GJC1: variants seen among roughly 807,000 people sequenced by gnomAD.
GJC1 encodes the protein gap junction protein gamma 1.
GJC1 carries 5 observed loss-of-function variants against 29.3 expected under a neutral mutation model. That is an observed-to-expected ratio of 0.17 (90% CI 0.09 to 0.36). The LOEUF (loss-of-function observed/expected upper bound fraction) is 0.36. Ranked by LOEUF, GJC1 falls within the 10% of genes least tolerant of loss-of-function variation. The pLI is 1.00. For synonymous variants in GJC1, 177 were observed against 183.3 expected (o/e 0.97, Z 0.28); for missense variants, 310 against 496.2 (o/e 0.62, Z 3.56).
At chr17:44,822,868 T>A (rs1056209215) in intron 1 of GJC1, among the ~76,000 whole-genome samples, 2 of 151,978 alleles carry the variant, frequency 1.3e-5, no homozygotes, top group Non-Finnish European at 2.9e-5. Context: ...GTGGCAGTAT[T>A]CAAAATATAT....
chr17:44,810,595 T>C (rs1211538372), intron 1 of GJC1, among the ~76,000 whole-genome samples: 1 of 152,004 alleles, frequency 6.6e-6, no homozygotes, highest in Non-Finnish European at 1.5e-5. Flanking sequence ...CGGTCTATGC[T>C]CTTGACCACA....
chr17:44,814,817 C>A (rs1051703184), intron 1 of GJC1, among the ~76,000 whole-genome samples: 1 of 152,084 alleles, frequency 6.6e-6, no homozygotes, highest in African/African-American at 2.4e-5. Context: ...GTGGCATGCG[C>A]CTGTAATCCC....
intron 1 of GJC1, among the ~76,000 whole-genome samples, chr17:44,816,016 G>A (rs914506084): frequency 1.3e-5 from 2 of 150,506 alleles, no homozygotes; most frequent in Admixed American, 1.3e-4. Flanking sequence ...GGGAGGCTGA[G>A]GCAGGAGAAT....
At chr17:44,821,668 G>C (rs2050106841) in intron 1 of GJC1, among the ~76,000 whole-genome samples, 1 of 123,204 alleles carries the variant, frequency 8.1e-6, no homozygotes, top group East Asian at 2.5e-4. Flanking sequence ...TTGCACTCCA[G>C]CCTGGGCAAC....
In GJC1 at chr17:44,803,874, TA is replaced by T. The variant is rs2049880649; in HGVS notation, c.*752del. ...GCTTTTGAAAGAACTTTAAGTTATATACATATACCATCAAAGCATATACTGG... is the reference window on the plus strand; with the variant it reads ...GCTTTTGAAAGAACTTTAAGTTATATCATATACCATCAAAGCATATACTGG... On this transcript the variant is annotated 3_prime_UTR_variant, in exon 3 of 3. Transcript: ENST00000592524. 6.6e-6 allele frequency: 1 copy of T among 152,220 alleles called. No individual in the cohort carries two copies. Among genetic ancestry groups the T allele is most frequent in the Non-Finnish European group, 1.5e-5 (1 of 68,038 alleles). 9.4% of individuals were successfully genotyped at this position (152,220 alleles called of 1,614,324 possible). A position where few individuals can be genotyped will look rare whatever the true frequency, so the allele number is the denominator to read the frequency against.
At position 44,799,003 on chromosome 17, in the gene GJC1, G is replaced by GT. The variant is rs750592968; in HGVS notation, c.*5623dup. ...TCATGCCTCAGCCTCCCAAGTAGCTGTAAGTACAGGCACGTGCCACCATAC... is the reference window on the plus strand; with the variant it reads ...TCATGCCTCAGCCTCCCAAGTAGCTGTTAAGTACAGGCACGTGCCACCATAC... On this transcript the variant is annotated 3_prime_UTR_variant, in exon 3 of 3. Transcript: ENST00000592524. 1 of 152,118 alleles carries GT rather than the reference G, an allele frequency of 6.6e-6. No homozygotes were observed. Among genetic ancestry groups the GT allele is most frequent in the Non-Finnish European group, 1.5e-5 (1 of 68,062 alleles). 9.4% of individuals were successfully genotyped at this position (152,118 alleles called of 1,614,324 possible).
chr17:44,798,049 C>T (rs543818458), downstream of GJC1, among the ~76,000 whole-genome samples: 10 of 152,260 alleles, frequency 6.6e-5, no homozygotes, highest in African/African-American at 2.4e-4. Flanking sequence ...CCAGGAAAGG[C>T]CTCCAGAACC....
chr17:44,817,624 C>T lies in GJC1; in HGVS notation c.-96-10155G>A, dbSNP rs188681116. ...ACTCAGGAGGCTGAGGCAGGAGAAT[C>T]GCTTGAACTCAGGAGGGGGAGGTTG... On this transcript the variant is annotated intron_variant, in intron 1 of 2. Transcript: ENST00000592524. Among the ~76,000 whole-genome samples, 132 of 151,814 alleles carry T rather than the reference C, an allele frequency of 8.7e-4. 1 individual carries two copies. Among genetic ancestry groups the T allele is most frequent in the Admixed American group, 2.0e-3 (30 of 15,250 alleles).
At chr17:44,831,214 T>C (rs1216089735), upstream of GJC1, among the ~76,000 whole-genome samples, 4 of 152,226 alleles carry the variant, frequency 2.6e-5, no homozygotes, top group African/African-American at 9.6e-5. Context: ...GTGGAAATCT[T>C]GAAGGCTAGG....
chr17:44,799,944 T>C lies in GJC1; in HGVS notation c.*4683A>G, dbSNP rs929394208. 3.3e-5 allele frequency: 5 copies of C among 152,084 alleles called. No individual in the cohort carries two copies. The highest frequency in any genetic ancestry group is 6.6e-5 in the Admixed American group (1 of 15,246). The allele number at this position is 152,084 out of a possible 1,614,324, so 9.4% of individuals were successfully genotyped here. A position where few individuals can be genotyped will look rare whatever the true frequency, so the allele number is the denominator to read the frequency against. On this transcript the variant is annotated 3_prime_UTR_variant, in exon 3 of 3. Transcript: ENST00000592524. ...AAAACCAAACATCAATAGAACTACA[T>C]AGGGACAACAGCAAATACAAATCTT...
chr17:44,819,321 CATA>C (rs1274177846), intron 1 of GJC1, among the ~76,000 whole-genome samples: 1 of 152,130 alleles, frequency 6.6e-6, no homozygotes, highest in Non-Finnish European at 1.5e-5. Context: ...TTTCACTCAG[CATA>C]ATGTGTTCAA....
rs999976446 is a variant in GJC1, at chr17:44,830,067, G to A, written c.-102C>T. The A allele has an allele frequency of 6.6e-6, 1 of 152,252 alleles. No homozygotes were observed. Among genetic ancestry groups the A allele is most frequent in the East Asian group, 1.9e-4 (1 of 5,158 alleles). The allele number at this position is 152,252 out of a possible 1,614,324, so 9.4% of individuals were successfully genotyped here. On this transcript the variant is annotated 5_prime_UTR_variant, in exon 1 of 3. Coordinates refer to ENST00000592524, the MANE Select transcript of GJC1 (RefSeq NM_005497.4). The surrounding 1 kb of genome is among the most constrained non-coding windows in gnomAD (Gnocchi z 4.3). Reference sequence around the variant, plus strand: ...GCCCTGCGGCCGCCCCTCACCCGGCGGCGGGTTCCCCCGGAGCCGCCTCCT... The same window carrying A: ...GCCCTGCGGCCGCCCCTCACCCGGCAGCGGGTTCCCCCGGAGCCGCCTCCT...
chr17:44,816,472 T>G (rs2145340780), intron 1 of GJC1, among the ~76,000 whole-genome samples: 1 of 152,246 alleles, frequency 6.6e-6, no homozygotes, highest in East Asian at 1.9e-4. Context: ...TAACACTGTT[T>G]TTCTGTAAAA....
chr17:44,797,297 G>A (rs1373524393), downstream of GJC1, among the ~76,000 whole-genome samples: 1 of 152,052 alleles, frequency 6.6e-6, no homozygotes, highest in Non-Finnish European at 1.5e-5. Context: ...TAGTAGAGAT[G>A]GGGTTTCACC....
chr17:44,795,968 T>C (rs1293668077), downstream of GJC1, among the ~76,000 whole-genome samples: 1 of 152,180 alleles, frequency 6.6e-6, no homozygotes, highest in Non-Finnish European at 1.5e-5. Context: ...AGAAGGGAGA[T>C]GCTTTTCCCC....
Position 44,824,759 on chromosome 17 carries a change from G to C in GJC1, c.-97+5303C>G, listed in dbSNP as rs1325084524. ...TGGGAGGCAGAGGTTGCAGCGAGCC[G>C]AGATCGCACCACTGCAACTCCAGCC... On this transcript the variant is annotated intron_variant, in intron 1 of 2. Coordinates refer to ENST00000592524, the MANE Select transcript of GJC1 (RefSeq NM_005497.4). 2.0e-5 allele frequency among the ~76,000 whole-genome samples: 3 copies of C among 147,982 alleles called. No homozygotes were observed. In the East Asian group the frequency reaches 5.9e-4, roughly 29 times the overall value.
chr17:44,801,044 G>C lies in GJC1; in HGVS notation c.*3583C>G, dbSNP rs2049838615. 6.6e-6 allele frequency: 1 copy of C among 152,086 alleles called. No individual in the cohort carries two copies. The allele number at this position is 152,086 out of a possible 1,614,324, so 9.4% of individuals were successfully genotyped here. A position where few individuals can be genotyped will look rare whatever the true frequency, so the allele number is the denominator to read the frequency against. On this transcript the variant is annotated 3_prime_UTR_variant, in exon 3 of 3. Transcript: ENST00000592524. ...TAATCACAGCACTTTGGGAAGCTGAGGTGGGCGGATCACGAGGTGAGGAGT... is the reference window on the plus strand; with the variant it reads ...TAATCACAGCACTTTGGGAAGCTGACGTGGGCGGATCACGAGGTGAGGAGT...
Position 44,804,381 on chromosome 17 carries a change from A to T in GJC1, c.*246T>A. ...TTTAAATATGTCTGTTCTTCTCCAG[A>T]TCTGGAAGACACAAATGTAAAGTTC... On this transcript the variant is annotated 3_prime_UTR_variant, in exon 3 of 3. Coordinates refer to ENST00000592524, the MANE Select transcript of GJC1 (RefSeq NM_005497.4). 2.1e-6 allele frequency: 1 copy of T among 467,898 alleles called. No homozygotes were observed. The highest frequency in any genetic ancestry group is 3.8e-6 in the Non-Finnish European group (1 of 265,884). The allele number at this position is 467,898 out of a possible 1,614,324, so 29.0% of individuals were successfully genotyped here.
chr17:44,800,445 C>A lies in GJC1; in HGVS notation c.*4182G>T, dbSNP rs1489561942. The A allele has an allele frequency of 6.6e-6, 1 of 152,098 alleles. No homozygotes were observed. Among genetic ancestry groups the A allele is most frequent in the Non-Finnish European group, 1.5e-5 (1 of 68,020 alleles). 9.4% of individuals were successfully genotyped at this position (152,098 alleles called of 1,614,324 possible). On this transcript the variant is annotated 3_prime_UTR_variant, in exon 3 of 3. Transcript: ENST00000592524. ...TTTTAAAAAGGCGTTTCTTGAAGTA[C>A]CTTATTAAACATTTGATTTGAAGGA...
Sources: allele counts gnomAD v4.1 joint callset (sites outside exome capture counted in the v4.1 genomes callset), GRCh38; gene constraint gnomAD v4.1.1; non-coding constraint Gnocchi (gnomAD v3.1); transcripts MANE v1.5; gene names NCBI Gene and HGNC (gene_info 2026-07-23, HGNC 2026-07-21).